Variants in PGAP2 observed in about 807,000 individuals in gnomAD.
The protein encoded by PGAP2 is post-GPI attachment to proteins 2.
Under a neutral mutation model 33.2 loss-of-function variants are expected in PGAP2, and 21 were observed. That is an observed-to-expected ratio of 0.63 (90% CI 0.45 to 0.91). PGAP2 has a LOEUF of 0.91. PGAP2 is among the 40% of genes least tolerant of loss of function. PGAP2 has a pLI of 0.00. For missense variants in PGAP2, 345 were observed against 424.0 expected, an observed-to-expected ratio of 0.81 and a Z score of 1.64; for synonymous variants, 161 against 172.9, an observed-to-expected ratio of 0.93 and a Z score of 0.54.
rs1190476524 is a variant in PGAP2, at chr11:3,812,412, A to G, written c.165+988A>G. Among the ~76,000 whole-genome samples the G allele has an allele frequency of 2.6e-5, 4 of 152,156 alleles. No individual in the cohort carries two copies. The East Asian group carries it at 7.7e-4, about 29-fold the overall frequency. ...TCACTGTACTTCAGCCTGATGACATAGTGAGACCCCCATTTCTAAAAAATA... is the reference window on the plus strand; with the variant it reads ...TCACTGTACTTCAGCCTGATGACATGGTGAGACCCCCATTTCTAAAAAATA... On this transcript the variant is annotated intron_variant, in intron 2 of 6. Transcript: ENST00000278243.
At chr11:3,818,002 C>T (rs1403942273) in intron 3 of PGAP2, 4 of 357,030 alleles carry the variant, frequency 1.1e-5, no homozygotes, top group Middle Eastern at 8.1e-4. Context: ...GCTGAGTTCA[C>T]ACCATTATAC....
intron 1 of PGAP2, among the ~76,000 whole-genome samples, chr11:3,802,186 A>T (rs2083561660): frequency 6.6e-6 from 1 of 151,018 alleles, no homozygotes; most frequent in Non-Finnish European, 1.5e-5. Flanking sequence ...AATAGTGCAT[A>T]CTTGTGGAAA....
At chr11:3,822,809 C>T (rs1424878958) in intron 3 of PGAP2, 30 of 640,062 alleles carry the variant, frequency 4.7e-5, no homozygotes, top group Non-Finnish European at 2.7e-6. Flanking sequence ...TTCCTGTCCC[C>T]ATCTAAACCC....
upstream of PGAP2, among the ~76,000 whole-genome samples, chr11:3,806,916 G>A (rs1419393336): frequency 6.6e-6 from 1 of 152,014 alleles, no homozygotes; most frequent in Non-Finnish European, 1.5e-5. Context: ...AGCTACCCGG[G>A]AGGCTGAGAT....
chr11:3,797,733 G>C (rs1000198150), upstream of PGAP2: 3 of 1,280,728 alleles, frequency 2.3e-6, no homozygotes, highest in South Asian at 4.3e-5. Context: ...AGGAGTTCGG[G>C]GAGGCACAGG....
intron 2 of PGAP2, among the ~76,000 whole-genome samples, chr11:3,813,224 T>A (rs1415145216): frequency 6.6e-6 from 1 of 152,194 alleles, no homozygotes; most frequent in African/African-American, 2.4e-5. Flanking sequence ...GGTTTTTTTA[T>A]TTGTTTTAGA....
At chr11:3,822,138 G>A (rs999493407) in intron 3 of PGAP2, among the ~76,000 whole-genome samples, 8 of 150,990 alleles carry the variant, frequency 5.3e-5, no homozygotes, top group African/African-American at 1.7e-4. Flanking sequence ...GCCGAGGTGG[G>A]CGGATCACGA....
exon 1 of PGAP2, chr11:3,797,907 G>A (rs1054444879): frequency 1.3e-6 from 2 of 1,548,206 alleles, no homozygotes; most frequent in Admixed American, 2.0e-5. Flanking sequence ...TAGAGACTCC[G>A]CCCCCTTCCT....
chr11:3,798,542 G>T (rs1347373470), intron 1 of PGAP2, among the ~76,000 whole-genome samples: 1 of 151,902 alleles, frequency 6.6e-6, no homozygotes, highest in Non-Finnish European at 1.5e-5. Flanking sequence ...TGTTGGTCAG[G>T]CTGGTCTCGA....
At chr11:3,814,921 TTTCCCTTTCC>T (rs943826920) in intron 2 of PGAP2, among the ~76,000 whole-genome samples, 2 of 150,954 alleles carry the variant, frequency 1.3e-5, no homozygotes, top group Admixed American at 1.3e-4. Flanking sequence ...TCCCTTTCCC[TTTCCCTTTCC>T]TTTCCTTTCT....
intron 1 of PGAP2, among the ~76,000 whole-genome samples, chr11:3,799,590 T>G (rs2083160882): frequency 6.6e-6 from 1 of 152,226 alleles, no homozygotes; most frequent in South Asian, 2.1e-4. Context: ...TGAACTGGGC[T>G]TTTACCTAAA....
intron 1 of PGAP2, among the ~76,000 whole-genome samples, chr11:3,802,296 A>G (rs538248063): frequency 1.9e-4 from 29 of 152,296 alleles, no homozygotes; most frequent in African/African-American, 6.3e-4. Flanking sequence ...TTGGTAGGCA[A>G]GTAGCCCATG....
At chr11:3,825,282 G>T in intron 6 of PGAP2, 46 bp from the exon 7 acceptor site, 2 of 1,600,868 alleles carry the variant, frequency 1.2e-6, no homozygotes, top group Non-Finnish European at 1.7e-6. Context: ...CTCTGAGCGG[G>T]TAGCTGGAAG....
intron 3 of PGAP2, among the ~76,000 whole-genome samples, chr11:3,819,858 G>T (rs1019759519): frequency 6.6e-6 from 1 of 152,098 alleles, no homozygotes; most frequent in Non-Finnish European, 1.5e-5. Context: ...ATATGTGCGT[G>T]TGTGTGTACA....
At position 3,825,349 on chromosome 11, in the gene PGAP2, T is replaced by C. The variant is rs1245054256; in HGVS notation, c.839T>C (p.Leu280Pro). 4.3e-6 allele frequency: 7 copies of C among 1,613,974 alleles called. No individual in the cohort carries two copies. Among genetic ancestry groups the C allele is most frequent in the Non-Finnish European group, 5.9e-6 (7 of 1,179,932 alleles). The change falls in exon 7 of 7, where the codon CTG becomes CCG. Residue 280 changes from leucine to proline, a missense_variant. Transcript: ENST00000278243. ...ACAGTGTACACCATCTTTGCCATCC[T>C]GGAGTACACTGTTGTCTTAACCAAC... Reference protein sequence around the residue: ...EAGVYTIFAILEYTVVLTNMA... With the variant: ...EAGVYTIFAIPEYTVVLTNMA...
rs2087283821 is a variant in PGAP2, at chr11:3,817,353, G to A, written c.166G>A (p.Ala56Thr). The part of the protein sequence containing the change: ...FKETTATHCG[A>T]TPCRMFSAAS... ...AAGTTGTATCCCTCGTGCTGCTTAGGCCACGCCCTGCAGGATGTTCTCTGC... is the reference window on the plus strand; with the variant it reads ...AAGTTGTATCCCTCGTGCTGCTTAGACCACGCCCTGCAGGATGTTCTCTGC... Residue 56 changes from alanine (A) to threonine (T), a missense_variant and splice_region_variant, in exon 3 of 7, where the codon GCC becomes ACC. Coordinates refer to ENST00000278243, the MANE Select transcript of PGAP2 (RefSeq NM_014489.4). 2 of 1,611,548 alleles carry A rather than the reference G, an allele frequency of 1.2e-6. No homozygotes were observed. Among genetic ancestry groups the A allele is most frequent in the East Asian group, 4.5e-5 (2 of 44,878 alleles).
At chr11:3,822,365 A>T (rs1223910152) in intron 3 of PGAP2, among the ~76,000 whole-genome samples, 5 of 149,334 alleles carry the variant, frequency 3.3e-5, no homozygotes, top group African/African-American at 1.2e-4. Flanking sequence ...CTCCGTCTCA[A>T]AAAGAGAAAA....
At position 3,811,415 on chromosome 11, in the gene PGAP2, A is replaced by G. The variant is rs759636397; in HGVS notation, c.156A>G (p.Thr52=). 1 of 1,613,846 alleles carries G rather than the reference A, an allele frequency of 6.2e-7. No homozygotes were observed. Among genetic ancestry groups the G allele is most frequent in the Non-Finnish European group, 8.5e-7 (1 of 1,179,850 alleles). The part of the protein sequence containing the change: ...LLFHFKETTA[T]HCGATPCRMF... ...TCCACTTCAAGGAGACAACGGCCAC[A>G]CACTGTGGGGTAGGGCATGGGGACA... Residue 52 remains threonine (T), a synonymous_variant, in exon 2 of 7, where the codon ACA becomes ACG. Coordinates refer to ENST00000278243, the MANE Select transcript of PGAP2 (RefSeq NM_014489.4). This position sits in a 1 kb window ranked among gnomAD's most constrained non-coding sequence, Gnocchi z 4.6.
At chr11:3,815,530 G>A (rs1020033387) in intron 2 of PGAP2, among the ~76,000 whole-genome samples, 15 of 152,094 alleles carry the variant, frequency 9.9e-5, no homozygotes, top group African/African-American at 3.1e-4. Flanking sequence ...GGCTGGTCTC[G>A]AACTCCTGAC....
Sources: allele counts gnomAD v4.1 joint callset (sites outside exome capture counted in the v4.1 genomes callset), GRCh38; gene constraint gnomAD v4.1.1; non-coding constraint Gnocchi (gnomAD v3.1); transcripts MANE v1.5; gene names NCBI Gene and HGNC (gene_info 2026-07-23, HGNC 2026-07-21).